PANK2: variants seen among roughly 807,000 people sequenced by gnomAD.
PANK2 encodes the protein pantothenate kinase 2.
Under a neutral mutation model 43.1 loss-of-function variants are expected in PANK2, and 36 were observed. The ratio of observed to expected loss-of-function variants is 0.84; its 90% CI spans 0.64 to 1.10. The LOEUF (loss-of-function observed/expected upper bound fraction) is 1.10. Among genes scored for constraint, PANK2 ranks in the 50% least tolerant of loss-of-function variants. The pLI is 0.00. For synonymous variants in PANK2, 281 were observed against 238.2 expected (o/e 1.18, Z -1.66); for missense variants, 576 against 593.3 (o/e 0.97, Z 0.30).
At chr20:3,918,162 T>G (rs1185188759) in intron 5 of PANK2, among the ~76,000 whole-genome samples, 1 of 152,226 alleles carries the variant, frequency 6.6e-6, no homozygotes, top group African/African-American at 2.4e-5. Flanking sequence ...TAGATCATCT[T>G]TAGCGGTGAA....
At chr20:3,910,865 G>A in intron 3 of PANK2, 35 bp downstream of exon 3, 1 of 1,612,752 alleles carries the variant, frequency 6.2e-7, no homozygotes, top group Non-Finnish European at 8.5e-7. Context: ...TTTATTCTTA[G>A]TATCCTAACG....
intron 1 of PANK2, among the ~76,000 whole-genome samples, chr20:3,892,349 AAC>A (rs1491265966): frequency 1.2e-4 from 17 of 147,526 alleles, no homozygotes; most frequent in African/African-American, 3.7e-4. Flanking sequence ...TCAAAAAAAA[AAC>A]AAAAAAAAAG....
chr20:3,909,714 C>T (rs574377999), intron 2 of PANK2, among the ~76,000 whole-genome samples: 222 of 152,226 alleles, frequency 1.5e-3, no homozygotes, highest in African/African-American at 4.8e-3. Flanking sequence ...CTCAGCCTCC[C>T]GAGTAGCTGG....
chr20:3,901,726 A>G, intron 1 of PANK2: 1 of 445,374 alleles, frequency 2.2e-6, no homozygotes, highest in Non-Finnish European at 3.0e-6. Flanking sequence ...TGGATGTTTT[A>G]AAATTATGGC....
chr20:3,915,558 A>G (rs1056160890), intron 4 of PANK2, among the ~76,000 whole-genome samples: 1 of 152,196 alleles, frequency 6.6e-6, no homozygotes, highest in Non-Finnish European at 1.5e-5. Flanking sequence ...GGCCTCCCAA[A>G]GTGCTGGGAT....
upstream of PANK2, chr20:3,888,825 G>T: frequency 2.3e-6 from 1 of 440,750 alleles, no homozygotes; most frequent in East Asian, 3.5e-5. Flanking sequence ...GAAAGGAGGC[G>T]GCTTAGCCCA....
At chr20:3,895,387 C>T (rs896609300) in intron 1 of PANK2, among the ~76,000 whole-genome samples, 1 of 151,596 alleles carries the variant, frequency 6.6e-6, no homozygotes, top group Non-Finnish European at 1.5e-5. Flanking sequence ...ATTGCTTGAG[C>T]CCGGAGGATT....
chr20:3,912,976 G>C (rs575951432), intron 4 of PANK2, among the ~76,000 whole-genome samples: 36 of 150,232 alleles, frequency 2.4e-4, no homozygotes, highest in African/African-American at 7.8e-4. Flanking sequence ...ATAATATTGG[G>C]CATATTTTTT....
At chr20:3,913,790 ATT>A (rs57042549) in intron 4 of PANK2, among the ~76,000 whole-genome samples, 8,201 of 138,076 alleles carry the variant, frequency 0.059, 243 homozygotes, top group Non-Finnish European at 0.07. Context: ...ATATATATAT[ATT>A]TTTTTTTTTT....
At chr20:3,917,817 C>T (rs1443584128) in intron 5 of PANK2, among the ~76,000 whole-genome samples, 2 of 152,092 alleles carry the variant, frequency 1.3e-5, no homozygotes, top group Non-Finnish European at 2.9e-5. Context: ...ATCATAACTT[C>T]TTTTTTCTTT....
rs1208966831 is a variant in PANK2 at position 3,925,091 on chromosome 20, T to A, written c.*1797T>A. 1 of 152,464 alleles carries A rather than the reference T, an allele frequency of 6.6e-6. No individual in the cohort carries two copies. The highest frequency in any genetic ancestry group is 1.5e-5 in the Non-Finnish European group (1 of 68,220). 9.4% of individuals were successfully genotyped at this position (152,464 alleles called of 1,614,324 possible). ...AGAGCTGGACTCAAACCCGGGACTGTCTGTCTCTGGTGCCTGAGTTGGGAA... is the reference window on the plus strand; with the variant it reads ...AGAGCTGGACTCAAACCCGGGACTGACTGTCTCTGGTGCCTGAGTTGGGAA... On this transcript the variant is annotated 3_prime_UTR_variant, in exon 7 of 7. Coordinates refer to ENST00000610179, the MANE Select transcript of PANK2 (RefSeq NM_001386393.1).
chr20:3,923,522 A>G lies in PANK2; in HGVS notation c.*228A>G, dbSNP rs1374064673. 1.7e-6 allele frequency: 1 copy of G among 584,778 alleles called. No individual in the cohort carries two copies. Among genetic ancestry groups the G allele is most frequent in the South Asian group, 2.1e-5 (1 of 48,506 alleles). 36.2% of individuals were successfully genotyped at this position (584,778 alleles called of 1,614,324 possible). A position where few individuals can be genotyped will look rare whatever the true frequency, so the allele number is the denominator to read the frequency against. On this transcript the variant is annotated 3_prime_UTR_variant, in exon 7 of 7. Coordinates refer to ENST00000610179, the MANE Select transcript of PANK2 (RefSeq NM_001386393.1). ...ACAAAAAAGTGGCACATGTCCAGGC[A>G]GTGTGAGGATTTGCTGTATATAAGT...
chr20:3,911,130 C>T (rs1324032410), intron 3 of PANK2, among the ~76,000 whole-genome samples: 4 of 152,206 alleles, frequency 2.6e-5, no homozygotes, highest in Non-Finnish European at 5.9e-5. Context: ...TAGGCAGCAT[C>T]TGTAAGGAGA....
chr20:3,909,506 C>G (rs943064218), intron 2 of PANK2, among the ~76,000 whole-genome samples: 2 of 152,204 alleles, frequency 1.3e-5, no homozygotes, highest in Non-Finnish European at 2.9e-5. Context: ...GTTGGAATTA[C>G]AGGTGTGAGC....
chr20:3,889,022 A>T, upstream of PANK2: 1 of 1,172,568 alleles, frequency 8.5e-7, no homozygotes, highest in Non-Finnish European at 1.2e-6. Flanking sequence ...GCGGGGTGGG[A>T]CTCGGGGTCG....
At chr20:3,900,673 C>T (rs1301845471) in intron 1 of PANK2, among the ~76,000 whole-genome samples, 1 of 151,940 alleles carries the variant, frequency 6.6e-6, no homozygotes, top group Non-Finnish European at 1.5e-5. Flanking sequence ...CCTGGTTAAG[C>T]TCACAGAATT....
chr20:3,910,446 C>T (rs1027877292), intron 2 of PANK2, 131 bp from the exon 3 acceptor site: 9 of 1,037,526 alleles, frequency 8.7e-6, no homozygotes, highest in Admixed American at 7.5e-5. Context: ...TTCTGTAAAG[C>T]ATGCACAAAT....
chr20:3,913,792 T>TATATATATA (rs1568577269), intron 4 of PANK2, among the ~76,000 whole-genome samples: 2 of 111,898 alleles, frequency 1.8e-5, no homozygotes, highest in Admixed American at 9.3e-5. Flanking sequence ...ATATATATAT[T>TATATATATA]TTTTTTTTTT....
rs745772675 is a variant in PANK2, at chr20:3,910,714, G to C, written c.789G>C (p.Gln263His). The stretch of plus-strand genomic sequence containing the variant: ...ACCCTGCTGATTCTGAAAAGTGTCA[G>C]AAGTTACCATTTGATTTGAAAAATC... The change falls in exon 3 of 7, where the codon CAG (glutamine) becomes CAC (histidine). Residue 263 changes from glutamine to histidine, a missense_variant. Around this residue, in one of 2 missense-constraint regions of PANK2, gnomAD observed 544 missense variants for 528.9 expected, o/e 1.03. Transcript: ENST00000610179. 2.5e-6 allele frequency: 4 copies of C among 1,614,188 alleles called. No individual in the cohort carries two copies. In the East Asian group the frequency reaches 8.9e-5, roughly 36 times the overall value.
Sources: allele counts gnomAD v4.1 joint callset (sites outside exome capture counted in the v4.1 genomes callset), GRCh38; gene constraint gnomAD v4.1.1; regional missense constraint gnomAD v4.1.1; transcripts MANE v1.5; gene names NCBI Gene and HGNC (gene_info 2026-07-23, HGNC 2026-07-21).